The following PPAT variants were observed in gnomAD, a reference collection of about 807,000 sequenced individuals.
PPAT encodes the protein amidophosphoribosyltransferase.
A neutral mutation model predicts 60.2 loss-of-function variants in PPAT; 20 were observed. The observed-to-expected ratio is 0.33, with a 90% confidence interval of 0.23 to 0.48. PPAT has a LOEUF of 0.48. Ranked by LOEUF, PPAT falls within the 20% of genes least tolerant of loss-of-function variation. The pLI is 0.99. For missense variants in PPAT, 349 were observed against 629.6 expected (o/e 0.55, Z 4.77); for synonymous variants, 194 against 215.1 (o/e 0.90, Z 0.86).
At chr4:56,419,200 ATTGT>A (rs1239335870) in intron 1 of PPAT, among the ~76,000 whole-genome samples, 4 of 152,196 alleles carry the variant, frequency 2.6e-5, no homozygotes, top group Admixed American at 2.6e-4. Context: ...AAGGAGTTAA[ATTGT>A]TTGTACCTAT....
chr4:56,406,326 T>A (rs1716239771), intron 3 of PPAT, among the ~76,000 whole-genome samples, 169 bp downstream of exon 3: 1 of 152,188 alleles, frequency 6.6e-6, no homozygotes, highest in African/African-American at 2.4e-5. Flanking sequence ...TAGCTTACAA[T>A]CTGGAATTGT....
Position 56,395,157 on chromosome 4 carries a change from T to C in PPAT, c.*195A>G. On this transcript the variant is annotated 3_prime_UTR_variant, in exon 11 of 11. Transcript: ENST00000264220. The stretch of plus-strand genomic sequence containing the variant: ...AAAAAGAACACCACATATTGTTGTA[T>C]TATATGCAATTGGAAATGTTCAGTT... The C allele has an allele frequency of 1.9e-6, 1 of 522,230 alleles. No homozygotes were observed. Among genetic ancestry groups the C allele is most frequent in the Non-Finnish European group, 3.4e-6 (1 of 296,420 alleles). The allele number at this position is 522,230 out of a possible 1,614,324, so 32.3% of individuals were successfully genotyped here.
chr4:56,412,696 G>A (rs1293749158), intron 1 of PPAT, among the ~76,000 whole-genome samples: 2 of 152,070 alleles, frequency 1.3e-5, no homozygotes, highest in Non-Finnish European at 2.9e-5. Context: ...CAGTCACTAA[G>A]TCTTTAAAAA....
chr4:56,415,868 G>A (rs981589382), intron 1 of PPAT, among the ~76,000 whole-genome samples: 8 of 152,172 alleles, frequency 5.3e-5, no homozygotes, highest in African/African-American at 1.4e-4. Flanking sequence ...TTAGGAGCTC[G>A]AGACCAGCCT....
At chr4:56,428,197 T>C (rs1291570901) in intron 1 of PPAT, among the ~76,000 whole-genome samples, 2 of 152,254 alleles carry the variant, frequency 1.3e-5, no homozygotes. Context: ...GATAATCAAA[T>C]ACAAGATTTA....
intron 1 of PPAT, among the ~76,000 whole-genome samples, chr4:56,417,507 C>A (rs1716819824): frequency 6.6e-6 from 1 of 152,122 alleles, no homozygotes; most frequent in African/African-American, 2.4e-5. Flanking sequence ...TATGGCCAGG[C>A]ACAGTGACTC....
intron 1 of PPAT, among the ~76,000 whole-genome samples, chr4:56,419,143 G>A (rs1716915196): frequency 6.6e-6 from 1 of 152,088 alleles, no homozygotes; most frequent in Non-Finnish European, 1.5e-5. Flanking sequence ...ATGCTTCCCA[G>A]TAGACTGATA....
At chr4:56,429,902 C>T (rs1010255074) in intron 1 of PPAT, among the ~76,000 whole-genome samples, 17 of 152,046 alleles carry the variant, frequency 1.1e-4, no homozygotes, top group Non-Finnish European at 2.1e-4. Flanking sequence ...TGAGATTCAC[C>T]CATGACTTTA....
At position 56,435,340 on chromosome 4, in the gene PPAT, T is replaced by C; in HGVS notation, c.128+10A>G. On this transcript the variant is annotated intron_variant, in intron 1 of 10. Transcript: ENST00000264220. ...ACGCACGCCCCCGCCACCCCCACCC[T>C]GTTGCTCACCGGTGCTGCAGCCCCA... is the stretch of plus-strand genomic sequence containing the variant. 9 of 1,350,094 alleles carry C rather than the reference T, an allele frequency of 6.7e-6. No individual in the cohort carries two copies. The highest frequency in any genetic ancestry group is 9.3e-6 in the Non-Finnish European group (9 of 966,480). 83.6% of individuals were successfully genotyped at this position (1,350,094 alleles called of 1,614,324 possible).
At chr4:56,399,525 GA>G in intron 8 of PPAT, 125 bp from the exon 9 acceptor site, 3 of 789,070 alleles carry the variant, frequency 3.8e-6, no homozygotes, top group Non-Finnish European at 5.8e-6. Context: ...TTATTATTTG[GA>G]AAAAAGGCAA....
chr4:56,403,108 C>T lies in PPAT; in HGVS notation c.593G>A (p.Arg198Gln), dbSNP rs772368910. Residue 198 changes from arginine (R) to glutamine (Q), a missense_variant, in exon 5 of 11, where the codon CGA becomes CAA. Arg to Gln is a conservative substitution (Grantham distance 43). Coordinates refer to ENST00000264220, the MANE Select transcript of PPAT (RefSeq NM_002703.5). Reference protein sequence around the residue: ...IMHRDVIYAVRDPYGNRPLCI... With the variant: ...IMHRDVIYAVQDPYGNRPLCI... The stretch of plus-strand genomic sequence containing the variant: ...TAAGGGACGATTTCCATAAGGATCT[C>T]GTACTGCATAAATAACATCTCTGTG... 5.0e-6 allele frequency: 8 copies of T among 1,612,468 alleles called. No homozygotes were observed. Among genetic ancestry groups the T allele is most frequent in the South Asian group, 1.1e-5 (1 of 91,000 alleles).
At chr4:56,412,032 T>G (rs1716487027) in intron 1 of PPAT, among the ~76,000 whole-genome samples, 3 of 152,202 alleles carry the variant, frequency 2.0e-5, no homozygotes, top group Admixed American at 2.0e-4. Flanking sequence ...CACCTTCGAC[T>G]CTTCATTATT....
At chr4:56,406,952 A>G in intron 2 of PPAT, among the ~76,000 whole-genome samples, 1 of 152,230 alleles carries the variant, frequency 6.6e-6, no homozygotes, top group East Asian at 1.9e-4. Context: ...AAAAAGAACA[A>G]TTTAGTGGCA....
At chr4:56,403,989 CCTG>C in intron 3 of PPAT, 1 of 434,556 alleles carries the variant, frequency 2.3e-6, no homozygotes. Flanking sequence ...CCACTCACCT[CCTG>C]CTGTGTGGCC....
At chr4:56,419,082 T>A (rs1365346540) in intron 1 of PPAT, among the ~76,000 whole-genome samples, 1 of 152,214 alleles carries the variant, frequency 6.6e-6, no homozygotes, top group East Asian at 1.9e-4. Context: ...CACATTAGAT[T>A]CACAGTCTGG....
intron 1 of PPAT, among the ~76,000 whole-genome samples, chr4:56,412,310 T>C (rs1056744224): frequency 1.8e-4 from 24 of 136,008 alleles, no homozygotes; most frequent in Admixed American, 1.8e-3. Flanking sequence ...TCCCATCACC[T>C]TTTTTTTTTT....
At chr4:56,399,075 T>A in intron 9 of PPAT, 104 bp downstream of exon 9, 1 of 970,960 alleles carries the variant, frequency 1.0e-6, no homozygotes, top group Non-Finnish European at 1.5e-6. Context: ...AAAAGTTAAT[T>A]TATTATATTG....
In PPAT at chr4:56,394,569, G is replaced by T. The variant is rs958816015; in HGVS notation, c.*783C>A. Reference sequence around the variant, plus strand: ...GGATCACATTTTCTAGTCAAATGTAGGAAAAACTTTTTCACAGATTTTTAC... The same window carrying T: ...GGATCACATTTTCTAGTCAAATGTATGAAAAACTTTTTCACAGATTTTTAC... On this transcript the variant is annotated 3_prime_UTR_variant, in exon 11 of 11. Transcript: ENST00000264220. The T allele has an allele frequency of 6.6e-6, 1 of 152,066 alleles. No homozygotes were observed. The highest frequency in any genetic ancestry group is 2.4e-5 in the African/African-American group (1 of 41,392). The allele number at this position is 152,066 out of a possible 1,614,324, so 9.4% of individuals were successfully genotyped here. A position where few individuals can be genotyped will look rare whatever the true frequency, so the allele number is the denominator to read the frequency against.
rs1207160039 is a variant in PPAT, at chr4:56,417,835, G to GTTTTTTT, written c.129-10120_129-10119insAAAAAAA. Among the ~76,000 whole-genome samples, 201 of 102,502 alleles carry GTTTTTTT rather than the reference G, an allele frequency of 2.0e-3. 11 individuals are homozygous for GTTTTTTT. The highest frequency in any genetic ancestry group is 6.8e-3 in the African/African-American group (194 of 28,688). 67.2% of individuals were successfully genotyped at this position (102,502 alleles called of 152,430 possible). On this transcript the variant is annotated intron_variant, in intron 1 of 10. Transcript: ENST00000264220. ...ATCTTCGGTATAATTTGAAGATTTG[G>GTTTTTTT]TTTTTTGTTTTTTTTTTTTTTTTTG...
Sources: allele counts gnomAD v4.1 joint callset (sites outside exome capture counted in the v4.1 genomes callset), GRCh38; gene constraint gnomAD v4.1.1; transcripts MANE v1.5; gene names NCBI Gene and HGNC (gene_info 2026-07-23, HGNC 2026-07-21).